DNAJC3: variants seen among roughly 807,000 people sequenced by gnomAD.
The protein encoded by DNAJC3 is dnaJ homolog subfamily C member 3.
A neutral mutation model predicts 68.6 loss-of-function variants in DNAJC3; 38 were observed. The observed-to-expected ratio is 0.55, with a 90% CI of 0.43 to 0.73. DNAJC3 has a LOEUF of 0.73. Ranked by LOEUF, DNAJC3 falls within the 30% of genes least tolerant of loss-of-function variation. The pLI is 0.00. For missense variants in DNAJC3, 526 were observed against 591.9 expected (o/e 0.89, Z 1.16); for synonymous variants, 203 against 204.0 (o/e 1.00, Z 0.04).
chr13:95,764,018 C>G (rs1421467352), intron 9 of DNAJC3, 65 bp downstream of exon 9: 1 of 1,559,864 alleles, frequency 6.4e-7, no homozygotes, highest in Non-Finnish European at 8.7e-7. Context: ...ACATTTTAAG[C>G]TTCCTTTTCC....
chr13:95,725,552 A>T (rs1881479987), intron 4 of DNAJC3, among the ~76,000 whole-genome samples: 1 of 152,114 alleles, frequency 6.6e-6, no homozygotes, highest in Non-Finnish European at 1.5e-5. Flanking sequence ...GAATCTAAAG[A>T]TGTCAGCTGA....
At chr13:95,706,996 T>G (rs1193613263) in intron 1 of DNAJC3, among the ~76,000 whole-genome samples, 5 of 152,186 alleles carry the variant, frequency 3.3e-5, no homozygotes, top group African/African-American at 1.2e-4. Context: ...CCAACCTTTT[T>G]GGCACCAGGG....
rs560563137 is a variant in DNAJC3 at position 95,740,542 on chromosome 13, G to A, written c.393+15290G>A. Reference sequence around the variant, plus strand: ...GCCGTTTTTTAAGCCCGTCGGAAAAGCGCAGTATTCGGGTGGGAGTGACCC... The same window carrying A: ...GCCGTTTTTTAAGCCCGTCGGAAAAACGCAGTATTCGGGTGGGAGTGACCC... On this transcript the variant is annotated intron_variant, in intron 4 of 11. Coordinates refer to ENST00000602402, the MANE Select transcript of DNAJC3 (RefSeq NM_006260.5). Among the ~76,000 whole-genome samples, 23 of 152,364 alleles carry A rather than the reference G, an allele frequency of 1.5e-4. No homozygotes were observed. The East Asian group carries it at 4.3e-3, about 28-fold the overall frequency.
In DNAJC3 at chr13:95,692,033, AGGG is replaced by A. The variant is rs1178230087; in HGVS notation, c.82+14697_82+14699del. ...CCATCCAGCTTCAGCTCGGCATCAG[AGGG>A]AGACCATGGAAAGAGAGGGAGAGGG... is the stretch of plus-strand genomic sequence containing the variant. On this transcript the variant is annotated intron_variant, in intron 1 of 11. Coordinates refer to ENST00000602402, the MANE Select transcript of DNAJC3 (RefSeq NM_006260.5). 2.1e-3 allele frequency among the ~76,000 whole-genome samples: 317 copies of A among 147,868 alleles called. 5 individuals are homozygous for A. Among genetic ancestry groups the A allele is most frequent in the Middle Eastern group, 0.01 (3 of 294 alleles).
intron 9 of DNAJC3, among the ~76,000 whole-genome samples, chr13:95,779,130 T>C (rs1883369144): frequency 7.1e-6 from 1 of 139,902 alleles, no homozygotes; most frequent in Admixed American, 7.1e-5. Flanking sequence ...TTTTTTTTTT[T>C]TTTTTTTTTT....
At chr13:95,679,833 AAG>A (rs1339675385) in intron 1 of DNAJC3, among the ~76,000 whole-genome samples, 2 of 152,246 alleles carry the variant, frequency 1.3e-5, no homozygotes, top group Admixed American at 1.3e-4. Flanking sequence ...CTTTTAAAAA[AAG>A]AAATGAAGGA....
At chr13:95,720,714 T>C (rs1414333849) in intron 2 of DNAJC3, among the ~76,000 whole-genome samples, 1 of 152,234 alleles carries the variant, frequency 6.6e-6, no homozygotes, top group East Asian at 1.9e-4. Flanking sequence ...CTGATTTTGC[T>C]GTCCTGTCCT....
At chr13:95,754,038 C>T (rs1401741577) in intron 4 of DNAJC3, among the ~76,000 whole-genome samples, 1 of 152,218 alleles carries the variant, frequency 6.6e-6, no homozygotes, top group Non-Finnish European at 1.5e-5. Context: ...CTAGATAACA[C>T]ATTATCCAAC....
chr13:95,679,500 G>C (rs531734920), intron 1 of DNAJC3, among the ~76,000 whole-genome samples: 1 of 152,258 alleles, frequency 6.6e-6, no homozygotes, highest in Admixed American at 6.5e-5. Context: ...GGATATAAAG[G>C]TAAGAACTCT....
chr13:95,752,585 C>A (rs753970207), intron 4 of DNAJC3, among the ~76,000 whole-genome samples: 7 of 152,158 alleles, frequency 4.6e-5, no homozygotes, highest in African/African-American at 1.7e-4. Context: ...TGATGTTCCA[C>A]AAAACTCCAC....
intron 9 of DNAJC3, among the ~76,000 whole-genome samples, chr13:95,777,556 TA>T (rs1197774429): frequency 1.3e-5 from 2 of 152,240 alleles, no homozygotes; most frequent in African/African-American, 4.8e-5. Flanking sequence ...AAGTATTTTA[TA>T]TAATTTAGTT....
chr13:95,726,907 A>C (rs1027481797), intron 4 of DNAJC3, among the ~76,000 whole-genome samples: 2 of 152,224 alleles, frequency 1.3e-5, no homozygotes, highest in Non-Finnish European at 2.9e-5. Context: ...TCTGTGGATA[A>C]ATCCAAAAAC....
At chr13:95,766,536 A>G (rs1358093295) in intron 9 of DNAJC3, among the ~76,000 whole-genome samples, 1 of 152,106 alleles carries the variant, frequency 6.6e-6, no homozygotes, top group Non-Finnish European at 1.5e-5. Flanking sequence ...GAGGGCAGAG[A>G]CCTGTGGCTG....
In DNAJC3 at chr13:95,714,113, C is replaced by T. The variant is rs144727492; in HGVS notation, c.193+4776C>T. Among the ~76,000 whole-genome samples, 13 of 152,234 alleles carry T rather than the reference C, an allele frequency of 8.5e-5. No homozygotes were observed. The East Asian group carries it at 1.9e-3, about 23-fold the overall frequency. On this transcript the variant is annotated intron_variant, in intron 2 of 11. Coordinates refer to ENST00000602402, the MANE Select transcript of DNAJC3 (RefSeq NM_006260.5). ...GAAAAGGGAAACATTTTAATCTTGG[C>T]GTTGCCACTGGGTAATCCTGTGACA...
At chr13:95,754,642 G>T (rs1308791836) in intron 4 of DNAJC3, among the ~76,000 whole-genome samples, 1 of 152,106 alleles carries the variant, frequency 6.6e-6, no homozygotes. Flanking sequence ...AGTCCAGGAG[G>T]ACAACATAGT....
At chr13:95,727,404 A>G (rs1009311508) in intron 4 of DNAJC3, among the ~76,000 whole-genome samples, 1 of 152,200 alleles carries the variant, frequency 6.6e-6, no homozygotes, top group African/African-American at 2.4e-5. Flanking sequence ...CAGACCTTCT[A>G]CTTTTTAGAT....
At chr13:95,709,191 G>T in intron 1 of DNAJC3, 36 bp from the exon 2 acceptor site, 1 of 1,410,794 alleles carries the variant, frequency 7.1e-7, no homozygotes, top group Non-Finnish European at 9.5e-7. Flanking sequence ...CTTAGTTCGT[G>T]GAAAGTTAAC....
intron 4 of DNAJC3, among the ~76,000 whole-genome samples, chr13:95,751,714 T>G (rs1366970222): frequency 6.6e-6 from 1 of 152,218 alleles, no homozygotes; most frequent in Non-Finnish European, 1.5e-5. Context: ...ATTAGCTGTA[T>G]TAGTCTGTTC....
chr13:95,739,112 G>C (rs1882036305), intron 4 of DNAJC3, among the ~76,000 whole-genome samples: 1 of 152,002 alleles, frequency 6.6e-6, no homozygotes, highest in Admixed American at 6.6e-5. Flanking sequence ...TGCAATTCTG[G>C]GTTGAAAATT....
Sources: allele counts gnomAD v4.1 joint callset (sites outside exome capture counted in the v4.1 genomes callset), GRCh38; gene constraint gnomAD v4.1.1; transcripts MANE v1.5; gene names NCBI Gene and HGNC (gene_info 2026-07-23, HGNC 2026-07-21).